SLC24A2: variants seen among roughly 807,000 people sequenced by gnomAD.
The protein encoded by SLC24A2 is sodium/potassium/calcium exchanger 2.
A neutral mutation model predicts 62.0 loss-of-function variants in SLC24A2; 36 were observed. That is an observed-to-expected ratio of 0.58 (90% CI 0.44 to 0.77). SLC24A2 has a LOEUF of 0.77. Ranked by LOEUF, SLC24A2 falls within the 30% of genes least tolerant of loss-of-function variation. SLC24A2 has a pLI of 0.00. For synonymous variants in SLC24A2, 358 were observed against 294.0 expected (o/e 1.22, Z -2.23); for missense variants, 846 against 817.9 (o/e 1.03, Z -0.42).
At chr9:20,191,006 A>C in the SLC24A2 span, among the ~76,000 whole-genome samples, 146 of 152,292 alleles carry the variant, frequency 9.6e-4, no homozygotes, top group African/African-American at 3.3e-3. Context: ...CAATTTCCAC[A>C]CTAACATTCT....
chr9:20,050,846 A>C, the SLC24A2 span, among the ~76,000 whole-genome samples: 1 of 152,218 alleles, frequency 6.6e-6, no homozygotes, highest in Admixed American at 6.5e-5. Context: ...GCCTGTTGTA[A>C]TGATGTCACG....
the SLC24A2 span, among the ~76,000 whole-genome samples, chr9:20,116,465 C>A: frequency 3.3e-5 from 5 of 152,148 alleles, no homozygotes; most frequent in South Asian, 4.1e-4. Flanking sequence ...ATCACATCAT[C>A]CATCATAACA....
At chr9:20,033,006 A>G in the SLC24A2 span, among the ~76,000 whole-genome samples, 5 of 152,196 alleles carry the variant, frequency 3.3e-5, no homozygotes, top group Admixed American at 2.0e-4. Flanking sequence ...TCAGATATTC[A>G]ACACTGCACA....
At chr9:19,805,119 T>G in the SLC24A2 span, among the ~76,000 whole-genome samples, 1 of 152,148 alleles carries the variant, frequency 6.6e-6, no homozygotes, top group South Asian at 2.1e-4. Context: ...CAGCACAACA[T>G]GATATGTGGT....
At chr9:19,799,068 A>T in the SLC24A2 span, among the ~76,000 whole-genome samples, 5 of 152,128 alleles carry the variant, frequency 3.3e-5, no homozygotes, top group Non-Finnish European at 7.4e-5. Flanking sequence ...AACTCTTTTT[A>T]AAAATAGGTT....
chr9:20,285,109 A>G, the SLC24A2 span, among the ~76,000 whole-genome samples: 2 of 152,208 alleles, frequency 1.3e-5, no homozygotes, highest in South Asian at 4.1e-4. Context: ...GTGGCACGTC[A>G]TATTCATGTG....
the SLC24A2 span, among the ~76,000 whole-genome samples, chr9:20,192,707 T>C: frequency 1.3e-5 from 2 of 152,182 alleles, no homozygotes; most frequent in African/African-American, 4.8e-5. Flanking sequence ...CGGGGGCTGC[T>C]CATCAGACAA....
At chr9:20,046,871 T>C in the SLC24A2 span, among the ~76,000 whole-genome samples, 3 of 152,216 alleles carry the variant, frequency 2.0e-5, no homozygotes, top group East Asian at 1.9e-4. Flanking sequence ...CTAGTGATCC[T>C]CCAGGTACTG....
the SLC24A2 span, among the ~76,000 whole-genome samples, chr9:20,034,148 C>G: frequency 2.0e-5 from 3 of 152,096 alleles, no homozygotes; most frequent in African/African-American, 7.2e-5. Context: ...TCAGCTCTCA[C>G]TGGCTATCCT....
the SLC24A2 span, among the ~76,000 whole-genome samples, chr9:19,807,087 T>C: frequency 6.6e-6 from 1 of 152,194 alleles, no homozygotes; most frequent in Admixed American, 6.5e-5. Flanking sequence ...TATATCTCAT[T>C]TGAGATTTTC....
At chr9:20,050,635 G>T in the SLC24A2 span, among the ~76,000 whole-genome samples, 2 of 152,176 alleles carry the variant, frequency 1.3e-5, no homozygotes, top group Non-Finnish European at 2.9e-5. Flanking sequence ...AGGGTTCAAG[G>T]TTATAAAGAT....
chr9:20,270,550 C>T, the SLC24A2 span, among the ~76,000 whole-genome samples: 1 of 152,110 alleles, frequency 6.6e-6, no homozygotes, highest in African/African-American at 2.4e-5. Flanking sequence ...TTGCCTTCTC[C>T]CTGAAGGTGA....
At chr9:20,035,365 A>C in the SLC24A2 span, among the ~76,000 whole-genome samples, 6 of 152,192 alleles carry the variant, frequency 3.9e-5, no homozygotes, top group Non-Finnish European at 7.3e-5. Flanking sequence ...ATCATTTTGA[A>C]CTGTTGGAAA....
Position 19,509,929 on chromosome 9 carries a change from C to T in SLC24A2, c.*6224G>A, listed in dbSNP as rs1028807752. On this transcript the variant is annotated 3_prime_UTR_variant, in exon 11 of 11. Coordinates refer to ENST00000341998, the MANE Select transcript of SLC24A2 (RefSeq NM_020344.4). ...CAGTAGCTTTACAAATCCTATCCAA[C>T]CTACCACACAAAAGGATATAAACAC... The T allele has an allele frequency of 3.3e-5, 5 of 152,122 alleles. No individual in the cohort carries two copies. Among genetic ancestry groups the T allele is most frequent in the Non-Finnish European group, 5.9e-5 (4 of 68,016 alleles). 9.4% of individuals were successfully genotyped at this position (152,122 alleles called of 1,614,324 possible).
At chr9:19,931,525 T>G in the SLC24A2 span, among the ~76,000 whole-genome samples, 70 of 152,368 alleles carry the variant, frequency 4.6e-4, no homozygotes, top group African/African-American at 1.5e-3. Flanking sequence ...CATACTGACA[T>G]AGATTACTTA....
the SLC24A2 span, among the ~76,000 whole-genome samples, chr9:19,820,058 C>CATAT: frequency 4.6e-3 from 158 of 34,604 alleles, 2 homozygotes; most frequent in South Asian, 0.025. Flanking sequence ...TATATATACA[C>CATAT]ATATATATAT....
At chr9:19,763,706 C>T (rs1384055794) in intron 2 of SLC24A2, among the ~76,000 whole-genome samples, 5 of 152,140 alleles carry the variant, frequency 3.3e-5, no homozygotes, top group African/African-American at 7.2e-5. Flanking sequence ...CTGCTGGATT[C>T]GGTTTGCCAG....
At chr9:20,002,236 G>A in the SLC24A2 span, among the ~76,000 whole-genome samples, 2 of 152,078 alleles carry the variant, frequency 1.3e-5, no homozygotes, top group Non-Finnish European at 2.9e-5. Flanking sequence ...CTGTGTCTAC[G>A]TAGGCTGTTG....
At chr9:20,159,457 GAACATATTTT>G in the SLC24A2 span, among the ~76,000 whole-genome samples, 3 of 151,696 alleles carry the variant, frequency 2.0e-5, no homozygotes, top group East Asian at 5.8e-4. Context: ...ATTACAGAAT[GAACATATTTT>G]AACCAATATA....
Sources: gnomAD v4.1 joint callset for allele counts (sites outside exome capture counted in the v4.1 genomes callset) on GRCh38, gnomAD v4.1.1 for gene constraint, MANE v1.5 for transcripts, NCBI Gene and HGNC (gene_info 2026-07-23, HGNC 2026-07-21) for gene names.